The following FKRP variants were observed in gnomAD, a reference collection of about 807,000 sequenced individuals.
The protein encoded by FKRP is fukutin related protein, also known as ribitol 5-phosphate transferase FKRP.
A neutral mutation model predicts 30.6 loss-of-function variants in FKRP; 25 were observed. That is an observed-to-expected ratio of 0.82 (90% CI 0.60 to 1.14). The LOEUF (loss-of-function observed/expected upper bound fraction) is 1.14, where lower values mean the gene tolerates loss of function less well. FKRP is among the 50% of genes most tolerant of loss of function. The pLI is 0.00. For missense variants in FKRP, 771 were observed against 727.8 expected (o/e 1.06, Z -0.68); for synonymous variants, 358 against 342.5 (o/e 1.05, Z -0.50).
At chr19:46,744,778 C>T (rs546944162), upstream of FKRP, among the ~76,000 whole-genome samples, 2 of 151,960 alleles carry the variant, frequency 1.3e-5, no homozygotes, top group African/African-American at 2.4e-5. Context: ...TGGGCTGCTA[C>T]AAGCAGGTAA....
At chr19:46,752,603 G>A (rs540548966) in intron 3 of FKRP, among the ~76,000 whole-genome samples, 16 of 152,340 alleles carry the variant, frequency 1.1e-4, no homozygotes, top group Non-Finnish European at 2.2e-4. Flanking sequence ...ACTCACGCCT[G>A]TAATCCTGGC....
chr19:46,751,221 T>G (rs2054784992), intron 3 of FKRP, among the ~76,000 whole-genome samples: 1 of 151,614 alleles, frequency 6.6e-6, no homozygotes, highest in Non-Finnish European at 1.5e-5. Flanking sequence ...AGCCATCACA[T>G]CCAGTTAGTT....
intron 3 of FKRP, chr19:46,753,885 C>G (rs929972840): frequency 2.0e-5 from 3 of 152,012 alleles, no homozygotes; most frequent in African/African-American, 7.2e-5. Context: ...ATTTGATCAT[C>G]TGCTTGGAAC....
chr19:46,756,132 C>A lies in FKRP; in HGVS notation c.682C>A (p.Leu228Ile). Reference protein sequence around the residue: ...VGTSLFLQTALRGWAVQLLDL... With the variant: ...VGTSLFLQTAIRGWAVQLLDL... ...CACCAGCCTCTTTCTGCAGACCGCC[C>A]TTCGCGGCTGGGCGGTGCAGCTGCT... Residue 228 changes from leucine (L) to isoleucine (I), a missense_variant, in exon 4 of 4, where the codon CTT becomes ATT. By Grantham distance (5) the Leu-to-Ile change is conservative (BLOSUM62 2). Coordinates refer to ENST00000318584, the MANE Select transcript of FKRP (RefSeq NM_024301.5). The surrounding 1 kb of genome is among the most constrained non-coding windows in gnomAD (Gnocchi z 6.6). 6.7e-7 allele frequency: 1 copy of A among 1,499,702 alleles called. No homozygotes were observed. Among genetic ancestry groups the A allele is most frequent in the Admixed American group, 2.2e-5 (1 of 44,784 alleles). 92.9% of individuals were successfully genotyped at this position (1,499,702 alleles called of 1,614,324 possible).
intron 1 of FKRP, chr19:46,747,190 C>T (rs2054663434): frequency 6.6e-6 from 1 of 152,514 alleles, no homozygotes; most frequent in Non-Finnish European, 1.5e-5. Flanking sequence ...CCCTTCCCAT[C>T]GTGGGAGGCC....
upstream of FKRP, chr19:46,745,963 G>C: frequency 2.1e-6 from 1 of 471,090 alleles, no homozygotes; most frequent in Non-Finnish European, 3.0e-6. Context: ...GTCCCACCCC[G>C]GAGTGCCCTC....
chr19:46,756,444 G>A lies in FKRP; in HGVS notation c.994G>A (p.Val332Met), dbSNP rs768917965. Residue 332 changes from valine to methionine, a missense_variant, in exon 4 of 4, where the codon GTG (valine) becomes ATG (methionine). Coordinates refer to ENST00000318584, the MANE Select transcript of FKRP (RefSeq NM_024301.5). This position sits in a 1 kb window ranked among gnomAD's most constrained non-coding sequence, Gnocchi z 6.6. ...LRETARYVVGVLEAAGVRYWL... is the reference protein window; with the variant it reads ...LRETARYVVGMLEAAGVRYWL... ...CGAGACCGCCCGCTATGTGGTGGGC[G>A]TGCTGGAGGCTGCGGGCGTGCGCTA... 4 of 1,585,414 alleles carry A rather than the reference G, an allele frequency of 2.5e-6. No individual in the cohort carries two copies. The highest frequency in any genetic ancestry group is 1.1e-5 in the South Asian group (1 of 87,652).
In FKRP at chr19:46,755,769, G is replaced by T. The variant is rs750679682; in HGVS notation, c.319G>T (p.Ala107Ser). Residue 107 changes from alanine (A) to serine (S), a missense_variant, in exon 4 of 4, where the codon GCC becomes TCC. Transcript: ENST00000318584. ...CGTGCGTCTGGCGCTGCTCCAGCCC[G>T]CCCTGGACCGGCCAGCCGCAGCCTC... Reference protein sequence around the residue: ...PNVRLALLQPALDRPAAASRP... With the variant: ...PNVRLALLQPSLDRPAAASRP... 17 of 1,534,200 alleles carry T rather than the reference G, an allele frequency of 1.1e-5. No homozygotes were observed. In the South Asian group the frequency reaches 1.8e-4, roughly 16 times the overall value.
Position 46,756,635 on chromosome 19 carries a change from G to GA in FKRP, c.1187dup (p.Ala397GlyfsTer67), listed in dbSNP as rs772020161. The stretch of plus-strand genomic sequence containing the variant: ...TGGATGAGCGCGGCTTCGTATGGGA[G>GA]AAGGCGGTCGAGGGCGACTTTTTCC... On this transcript the variant is annotated frameshift_variant, in exon 4 of 4. Transcript: ENST00000318584. LOFTEE classifies it high-confidence loss of function. This position sits in a 1 kb window ranked among gnomAD's most constrained non-coding sequence, Gnocchi z 6.6. The GA allele has an allele frequency of 6.2e-7, 1 of 1,613,292 alleles. No individual in the cohort carries two copies. The highest frequency in any genetic ancestry group is 8.5e-7 in the Non-Finnish European group (1 of 1,179,798).
rs535382994 is a variant in FKRP at position 46,752,230 on chromosome 19, C to T, written c.-39-3182C>T. ...AGTTGTGACAGGATCTCTCGAGGTG[C>T]TGAATGAGGAACAGACCACAGGAAC... On this transcript the variant is annotated intron_variant, in intron 3 of 3. Transcript: ENST00000318584. Among the ~76,000 whole-genome samples, 4 of 152,300 alleles carry T rather than the reference C, an allele frequency of 2.6e-5. 1 individual carries two copies. The highest frequency in any genetic ancestry group is 9.6e-5 in the African/African-American group (4 of 41,566).
intron 3 of FKRP, among the ~76,000 whole-genome samples, chr19:46,749,392 T>C (rs2054739275): frequency 6.6e-6 from 1 of 150,638 alleles, no homozygotes; most frequent in East Asian, 2.0e-4. Context: ...TCTTTAACTC[T>C]CTGTGCCTTT....
chr19:46,756,003 G>C lies in FKRP; in HGVS notation c.553G>C (p.Ala185Pro), dbSNP rs963527713. The change falls in exon 4 of 4, where the codon GCC (alanine) becomes CCC (proline). Residue 185 changes from alanine (A) to proline (P), a missense_variant. Physicochemically the swap from Ala to Pro is conservative, Grantham distance 27 (BLOSUM62 -1). Coordinates refer to ENST00000318584, the MANE Select transcript of FKRP (RefSeq NM_024301.5). The surrounding 1 kb of genome is among the most constrained non-coding windows in gnomAD (Gnocchi z 6.6). ...AGAGTGGACCGCCCGCTATGGCGCA[G>C]CCCCCGCCGCGCCCCGCTGCGACGC... Reference protein sequence around the residue: ...LREWTARYGAAPAAPRCDALD... With the variant: ...LREWTARYGAPPAAPRCDALD... 1 of 1,548,692 alleles carries C rather than the reference G, an allele frequency of 6.5e-7. No homozygotes were observed. The highest frequency in any genetic ancestry group is 8.7e-7 in the Non-Finnish European group (1 of 1,155,198).
In FKRP at chr19:46,756,742, C is replaced by A; in HGVS notation, c.1292C>A (p.Thr431Lys). The change falls in exon 4 of 4, where the codon ACG becomes AAG. Residue 431 changes from threonine to lysine, a missense_variant. Coordinates refer to ENST00000318584, the MANE Select transcript of FKRP (RefSeq NM_024301.5). The surrounding 1 kb of genome is among the most constrained non-coding windows in gnomAD (Gnocchi z 6.6). ...YPRNGVMTKD[T>K]WLDHRQDVEF... ...CGCAATGGCGTCATGACCAAGGACACGTGGCTGGACCACCGGCAGGATGTG... is the reference window on the plus strand; with the variant it reads ...CGCAATGGCGTCATGACCAAGGACAAGTGGCTGGACCACCGGCAGGATGTG... The A allele has an allele frequency of 6.2e-7, 1 of 1,608,750 alleles. No homozygotes were observed. The highest frequency in any genetic ancestry group is 1.1e-5 in the South Asian group (1 of 90,218).
chr19:46,756,110 C>A lies in FKRP; in HGVS notation c.660C>A (p.Thr220=). Reference sequence around the variant, plus strand: ...CGCCCCTGGCCCGGCCGGTGGGCACCAGCCTCTTTCTGCAGACCGCCCTTC... The same window carrying A: ...CGCCCCTGGCCCGGCCGGTGGGCACAAGCCTCTTTCTGCAGACCGCCCTTC... The part of the protein sequence containing the change: ...LSAPLARPVG[T]SLFLQTALRG... The change falls in exon 4 of 4, where the codon ACC becomes ACA. Residue 220 remains threonine (T), a synonymous_variant. Coordinates refer to ENST00000318584, the MANE Select transcript of FKRP (RefSeq NM_024301.5). This position sits in a 1 kb window ranked among gnomAD's most constrained non-coding sequence, Gnocchi z 6.6. 1 of 1,528,356 alleles carries A rather than the reference C, an allele frequency of 6.5e-7. No homozygotes were observed. Among genetic ancestry groups the A allele is most frequent in the Non-Finnish European group, 8.7e-7 (1 of 1,147,950 alleles). The allele number at this position is 1,528,356 out of a possible 1,614,324, so 94.7% of individuals were successfully genotyped here. A position where few individuals can be genotyped will look rare whatever the true frequency, so the allele number is the denominator to read the frequency against.
At position 46,756,770 on chromosome 19, in the gene FKRP, G is replaced by A. The variant is rs765678360; in HGVS notation, c.1320G>A (p.Glu440=). Reference sequence around the variant, plus strand: ...GGCTGGACCACCGGCAGGATGTGGAGTTTCCCGAGCACTTCCTGCAGCCGC... The same window carrying A: ...GGCTGGACCACCGGCAGGATGTGGAATTTCCCGAGCACTTCCTGCAGCCGC... ...DTWLDHRQDV[E]FPEHFLQPLV... Residue 440 remains glutamate, a synonymous_variant, in exon 4 of 4, where the codon GAG becomes GAA. Coordinates refer to ENST00000318584, the MANE Select transcript of FKRP (RefSeq NM_024301.5). The surrounding 1 kb of genome is among the most constrained non-coding windows in gnomAD (Gnocchi z 6.6). 26 of 1,604,430 alleles carry A rather than the reference G, an allele frequency of 1.6e-5. No individual in the cohort carries two copies. In the South Asian group the frequency reaches 2.8e-4, roughly 17 times the overall value.
chr19:46,745,459 T>TC (rs1466973000), upstream of FKRP, among the ~76,000 whole-genome samples: 6 of 152,034 alleles, frequency 3.9e-5, no homozygotes, highest in African/African-American at 1.2e-4. Context: ...GAAACCCTCC[T>TC]CCCACCCCTC....
chr19:46,746,311 C>A, intron 1 of FKRP: 1 of 1,368,900 alleles, frequency 7.3e-7, no homozygotes, highest in Non-Finnish European at 9.4e-7. Context: ...CCGGGCCCGG[C>A]CCGGGGGCAG....
chr19:46,746,606 G>T, intron 1 of FKRP: 1 of 194,948 alleles, frequency 5.1e-6, no homozygotes, highest in Non-Finnish European at 9.3e-6. Context: ...CCGAAGGGTA[G>T]CGTGCCCGCG....
At chr19:46,748,328 C>T (rs938138241) in intron 2 of FKRP, among the ~76,000 whole-genome samples, 187 bp from the exon 3 acceptor site, 2 of 152,132 alleles carry the variant, frequency 1.3e-5, no homozygotes, top group Admixed American at 6.5e-5. Context: ...CAGGCACCTG[C>T]CACCACGCCC....
Sources: allele counts gnomAD v4.1 joint callset (sites outside exome capture counted in the v4.1 genomes callset), GRCh38; gene constraint gnomAD v4.1.1; non-coding constraint Gnocchi (gnomAD v3.1); transcripts MANE v1.5; gene names NCBI Gene and HGNC (gene_info 2026-07-23, HGNC 2026-07-21).